The following ROR1 variants were observed in gnomAD, a reference collection of about 807,000 sequenced individuals.
ROR1 encodes inactive tyrosine-protein kinase transmembrane receptor ROR1.
Under a neutral mutation model 78.8 loss-of-function variants are expected in ROR1, and 19 were observed. The ratio of observed to expected loss-of-function variants is 0.24; its 90% confidence interval spans 0.17 to 0.35. ROR1 has a LOEUF of 0.35. ROR1 is among the 10% of genes least tolerant of loss of function. The pLI is 1.00. For missense variants in ROR1, 917 were observed against 1,177.8 expected (o/e 0.78, Z 3.24); for synonymous variants, 386 against 433.6 (o/e 0.89, Z 1.36).
At chr1:63,861,456 GT>G (rs1645181123) in intron 1 of ROR1, among the ~76,000 whole-genome samples, 1 of 152,152 alleles carries the variant, frequency 6.6e-6, no homozygotes, top group South Asian at 2.1e-4. Flanking sequence ...CTGCTTGAGT[GT>G]TGTGTCTCTA....
At chr1:64,119,305 A>AT (rs1438868427) in intron 4 of ROR1, among the ~76,000 whole-genome samples, 2 of 151,940 alleles carry the variant, frequency 1.3e-5, no homozygotes, top group South Asian at 2.1e-4. Context: ...CCATAGTTGT[A>AT]TTTTTTTATC....
chr1:64,139,001 A>T (rs1208177651), intron 5 of ROR1, among the ~76,000 whole-genome samples: 2 of 151,892 alleles, frequency 1.3e-5, no homozygotes, highest in African/African-American at 4.8e-5. Flanking sequence ...CATCTCTACT[A>T]AAAAACAATA....
intron 1 of ROR1, among the ~76,000 whole-genome samples, chr1:63,938,818 A>T (rs1309833923): frequency 6.6e-6 from 1 of 152,152 alleles, no homozygotes; most frequent in Non-Finnish European, 1.5e-5. Flanking sequence ...CAACATAGGG[A>T]GACCCTGTCT....
intron 2 of ROR1, among the ~76,000 whole-genome samples, chr1:64,025,642 C>T (rs79493910): frequency 2.8e-4 from 42 of 151,480 alleles, no homozygotes; most frequent in African/African-American, 1.0e-3. Context: ...TATATATATA[C>T]ACACATATAC....
intron 1 of ROR1, among the ~76,000 whole-genome samples, chr1:63,875,192 C>T (rs1645277243): frequency 6.6e-6 from 1 of 152,150 alleles, no homozygotes; most frequent in African/African-American, 2.4e-5. Flanking sequence ...AATCATAGTA[C>T]TTATTTATAC....
At chr1:64,111,984 C>A (rs12130808) in intron 4 of ROR1, 13,975 of 152,206 alleles carry the variant, frequency 0.092, 809 homozygotes, top group Non-Finnish European at 0.13. Context: ...ACAGCCTCAC[C>A]TTCTTGGGGA....
intron 1 of ROR1, among the ~76,000 whole-genome samples, chr1:64,007,462 G>A (rs148745858): frequency 2.6e-5 from 4 of 151,660 alleles, no homozygotes; most frequent in South Asian, 2.1e-4. Context: ...TATTAGTAGC[G>A]TGGATTAAAT....
At chr1:63,934,348 T>C (rs1645777234) in intron 1 of ROR1, among the ~76,000 whole-genome samples, 1 of 152,170 alleles carries the variant, frequency 6.6e-6, no homozygotes, top group South Asian at 2.1e-4. Context: ...TAAGGCTCAG[T>C]TTGCTCATCT....
intron 4 of ROR1, among the ~76,000 whole-genome samples, chr1:64,086,711 A>T (rs1052754035): frequency 2.6e-5 from 4 of 152,178 alleles, no homozygotes; most frequent in Non-Finnish European, 4.4e-5. Flanking sequence ...ACCCAGCACA[A>T]CCCATTAAAT....
At chr1:64,050,156 A>T (rs989375116) in intron 3 of ROR1, among the ~76,000 whole-genome samples, 178 bp downstream of exon 3, 1 of 152,206 alleles carries the variant, frequency 6.6e-6, no homozygotes, top group African/African-American at 2.4e-5. Flanking sequence ...AAGGCCCAGC[A>T]GTTAGTTACC....
intron 1 of ROR1, among the ~76,000 whole-genome samples, chr1:63,941,318 G>GA (rs1645838128): frequency 6.6e-6 from 1 of 152,096 alleles, no homozygotes; most frequent in Non-Finnish European, 1.5e-5. Context: ...CTGTAGTTCA[G>GA]AAAAAATAAA....
rs143657798 is a variant in ROR1 at position 63,993,846 on chromosome 1, T to C, written c.92-15459T>C. On this transcript the variant is annotated intron_variant, in intron 1 of 8. Transcript: ENST00000371079. ...CTGCCATGAAAATGTTGTAACAATA[T>C]CATTTCATGTATGTTTGAGGGCATC... Among the ~76,000 whole-genome samples the C allele has an allele frequency of 2.3e-3, 347 of 152,300 alleles. 1 individual carries two copies. The highest frequency in any genetic ancestry group is 8.1e-3 in the African/African-American group (336 of 41,578).
intron 1 of ROR1, among the ~76,000 whole-genome samples, chr1:63,900,575 C>G (rs1460928893): frequency 6.6e-6 from 1 of 151,892 alleles, no homozygotes; most frequent in African/African-American, 2.4e-5. Context: ...CTGCCCCCAT[C>G]CCATGGATTA....
chr1:63,973,546 A>G (rs1416515014), intron 1 of ROR1, among the ~76,000 whole-genome samples: 2 of 152,214 alleles, frequency 1.3e-5, no homozygotes, highest in East Asian at 3.8e-4. Flanking sequence ...TAGAACACTC[A>G]TGTAAAATAT....
intron 7 of ROR1, among the ~76,000 whole-genome samples, chr1:64,153,391 C>A (rs918809531): frequency 2.2e-5 from 3 of 138,946 alleles, no homozygotes; most frequent in Non-Finnish European, 4.8e-5. Flanking sequence ...ATGCAGCAAT[C>A]CCATTTCTGA....
chr1:64,131,997 T>C (rs1021022586), intron 4 of ROR1, among the ~76,000 whole-genome samples: 5 of 152,190 alleles, frequency 3.3e-5, no homozygotes, highest in African/African-American at 1.2e-4. Context: ...CACATCTGTC[T>C]ACTTCCAAAA....
chr1:63,935,963 G>A (rs1406357240), intron 1 of ROR1, among the ~76,000 whole-genome samples: 1 of 152,204 alleles, frequency 6.6e-6, no homozygotes, highest in African/African-American at 2.4e-5. Flanking sequence ...AATTATGAAA[G>A]CTTTGGTAAA....
intron 1 of ROR1, among the ~76,000 whole-genome samples, chr1:63,930,617 T>G (rs1385202228): frequency 1.3e-5 from 2 of 152,212 alleles, no homozygotes; most frequent in African/African-American, 4.8e-5. Context: ...CTCCTCTTGT[T>G]CATGCTAGAG....
chr1:64,101,668 C>A (rs1018484264), intron 4 of ROR1, among the ~76,000 whole-genome samples: 1 of 123,658 alleles, frequency 8.1e-6, no homozygotes, highest in African/African-American at 2.6e-5. Context: ...TAAGAAGAGA[C>A]AGAAATCACA....
Sources: gnomAD v4.1 joint callset for allele counts (sites outside exome capture counted in the v4.1 genomes callset) on GRCh38, gnomAD v4.1.1 for gene constraint, MANE v1.5 for transcripts, NCBI Gene and HGNC (gene_info 2026-07-23, HGNC 2026-07-21) for gene names.